HNRNPH1: variants seen among roughly 807,000 people sequenced by gnomAD.
HNRNPH1 encodes heterogeneous nuclear ribonucleoprotein H.
HNRNPH1 carries 4 observed loss-of-function variants against 58.6 expected under a neutral mutation model. The observed-to-expected ratio is 0.07, with a 90% CI of 0.03 to 0.16. The LOEUF (loss-of-function observed/expected upper bound fraction) is 0.16, where lower values mean the gene tolerates loss of function less well. Among genes scored for constraint, HNRNPH1 ranks in the 10% least tolerant of loss-of-function variants. HNRNPH1 has a pLI of 1.00. For synonymous variants in HNRNPH1, 192 were observed against 189.2 expected, an observed-to-expected ratio of 1.01 and a Z score of -0.12; for missense variants, 271 against 564.2, an observed-to-expected ratio of 0.48 and a Z score of 5.26.
exon 8 of HNRNPH1, chr5:179,617,571 C>G (rs778635971): frequency 8.1e-6 from 13 of 1,614,002 alleles, no homozygotes; most frequent in Non-Finnish European, 1.7e-6. Flanking sequence ...GTTGCGAACT[C>G]GACATCTGCT....
At chr5:179,632,422 C>G (rs1774919694) in intron 2 of HNRNPH1, among the ~76,000 whole-genome samples, 1 of 152,262 alleles carries the variant, frequency 6.6e-6, no homozygotes, top group Non-Finnish European at 1.5e-5. Flanking sequence ...GCTGGGATCC[C>G]CGCGTCTCTC....
chr5:179,621,289 A>G (rs1562294975), exon 2 of HNRNPH1: 1 of 1,613,990 alleles, frequency 6.2e-7, no homozygotes, highest in Non-Finnish European at 8.5e-7. Flanking sequence ...TTTCAGGGCC[A>G]ATTTGACTTC....
At chr5:179,622,322 G>A (rs552211938) in intron 1 of HNRNPH1, among the ~76,000 whole-genome samples, 34 of 152,326 alleles carry the variant, frequency 2.2e-4, no homozygotes, top group South Asian at 2.1e-4. Context: ...TACACTTCAA[G>A]ATATTGCAAA....
chr5:179,617,476 C>T lies in HNRNPH1; in HGVS notation c.1057+38G>A, dbSNP rs755256487. ...CTATTGTAAATGTTAGTCACACAATCACCTGTTAAGAGCCCACAAATGCTC... is the reference window on the plus strand; with the variant it reads ...CTATTGTAAATGTTAGTCACACAATTACCTGTTAAGAGCCCACAAATGCTC... On this transcript the variant is annotated intron_variant, in intron 8 of 12. Coordinates refer to ENST00000356731, the Ensembl canonical transcript of HNRNPH1. The T allele has an allele frequency of 2.5e-6, 4 of 1,596,394 alleles. No individual in the cohort carries two copies. In the East Asian group the frequency reaches 6.7e-5, roughly 27 times the overall value.
At chr5:179,620,580 T>TAC (rs1191716157) in intron 3 of HNRNPH1, 1 of 268,010 alleles carries the variant, frequency 3.7e-6, no homozygotes, top group African/African-American at 2.2e-5. Flanking sequence ...AAAGGGATCT[T>TAC]ACCTTTAACT....
rs1478723319 is a variant in HNRNPH1, at chr5:179,633,246, C to T, written c.-32+819G>A. On this transcript the variant is annotated intron_variant, in intron 2 of 4. Transcript: ENST00000521116. The stretch of plus-strand genomic sequence containing the variant: ...AGATCAGGTAATCCGCCGCCTCAGC[C>T]TCCCGAAGTGTTGGGATTACAGGTG... 2.0e-5 allele frequency among the ~76,000 whole-genome samples: 3 copies of T among 151,876 alleles called. No individual in the cohort carries two copies. The East Asian group carries it at 5.9e-4, about 30-fold the overall frequency.
At chr5:179,627,533 A>G (rs1244452606), upstream of HNRNPH1, among the ~76,000 whole-genome samples, 4 of 150,326 alleles carry the variant, frequency 2.7e-5, no homozygotes, top group Admixed American at 1.3e-4. Context: ...ACAGGGTCTC[A>G]CTTCGTCACT....
At chr5:179,618,611 A>T (rs926193787) in intron 4 of HNRNPH1, 34 of 246,198 alleles carry the variant, frequency 1.4e-4, no homozygotes, top group African/African-American at 7.7e-4. Flanking sequence ...GGAGGGAAAT[A>T]ATTCCACTCA....
intron 3 of HNRNPH1, 53 bp from the exon 5 acceptor site, chr5:179,619,460 G>A: frequency 1.3e-6 from 2 of 1,511,270 alleles, no homozygotes; most frequent in Non-Finnish European, 1.8e-6. Context: ...AACATCACAA[G>A]CCCAGAAATG....
At chr5:179,624,055 A>G in exon 1 of HNRNPH1, 1 of 155,780 alleles carries the variant, frequency 6.4e-6, no homozygotes, top group South Asian at 2.1e-4. Context: ...CTGGGTTGTG[A>G]TGAGGTGGGC....
chr5:179,617,707 C>G, intron 7 of HNRNPH1, 58 bp from the exon 9 acceptor site: 1 of 1,602,770 alleles, frequency 6.2e-7, no homozygotes, highest in Non-Finnish European at 8.5e-7. Flanking sequence ...CAAAAAAAAC[C>G]TAAAATTTCT....
chr5:179,616,838 T>C (rs1357846872), intron 10 of HNRNPH1, 31 bp downstream of exon 11: 1 of 1,558,920 alleles, frequency 6.4e-7, no homozygotes, highest in Admixed American at 1.7e-5. Context: ...ATATAAACGT[T>C]TTGGTTTTTA....
exon 1 of HNRNPH1, chr5:179,623,414 T>C: frequency 3.9e-6 from 1 of 255,558 alleles, no homozygotes; most frequent in Non-Finnish European, 7.8e-6. Context: ...CGGCGGCCGC[T>C]TCCGCTCCGC....
At chr5:179,619,476 T>C in intron 3 of HNRNPH1, 69 bp from the exon 5 acceptor site, 1 of 1,446,388 alleles carries the variant, frequency 6.9e-7, no homozygotes, top group South Asian at 1.3e-5. Context: ...AAATGATTCT[T>C]CTTATAGCTT....
At chr5:179,630,138 C>T (rs907673619) in intron 2 of HNRNPH1, among the ~76,000 whole-genome samples, 6 of 151,708 alleles carry the variant, frequency 4.0e-5, no homozygotes, top group Non-Finnish European at 8.8e-5. Flanking sequence ...TACCTGAGGT[C>T]GGGAGTTCAA....
chr5:179,616,159 C>A, exon 11 of HNRNPH1: 1 of 1,614,146 alleles, frequency 6.2e-7, no homozygotes, highest in Non-Finnish European at 8.5e-7. Flanking sequence ...CCACCGTAGC[C>A]GCCTCCGTAA....
intron 10 of HNRNPH1, 42 bp downstream of exon 11, chr5:179,616,827 G>A (rs746022870): frequency 1.7e-5 from 25 of 1,465,138 alleles, no homozygotes; most frequent in Admixed American, 3.4e-5. Flanking sequence ...GACTTATACA[G>A]ATATAAACGT....
chr5:179,627,187 TTTTTGTGG>T (rs1774474195), upstream of HNRNPH1, among the ~76,000 whole-genome samples: 2 of 152,134 alleles, frequency 1.3e-5, no homozygotes, highest in African/African-American at 2.4e-5. Context: ...CTTTTAATTA[TTTTTGTGG>T]TTTTGTGGTG....
intron 2 of HNRNPH1, 83 bp downstream of exon 3, chr5:179,621,159 G>GTC: frequency 1.5e-5 from 23 of 1,501,674 alleles, no homozygotes; most frequent in African/African-American, 1.5e-4. Context: ...TTTCCATGCA[G>GTC]TCAAATACCT....
Sources: allele counts gnomAD v4.1 joint callset (sites outside exome capture counted in the v4.1 genomes callset), GRCh38; gene constraint gnomAD v4.1.1; transcripts MANE v1.5; gene names NCBI Gene and HGNC (gene_info 2026-07-23, HGNC 2026-07-21).